The following INTS12 variants were observed in gnomAD, a reference collection of about 807,000 sequenced individuals.
INTS12 encodes PHD finger protein 22.
In INTS12, 13 loss-of-function variants were observed where a neutral mutation model predicts 41.6. That is an observed-to-expected ratio of 0.31 (90% CI 0.20 to 0.50). The LOEUF (loss-of-function observed/expected upper bound fraction) is 0.50, where lower values mean the gene tolerates loss of function less well. Ranked by LOEUF, INTS12 falls within the 20% of genes least tolerant of loss-of-function variation. The pLI, the probability that INTS12 is intolerant of heterozygous loss-of-function variation, is 0.98. For synonymous variants in INTS12, 199 were observed against 191.4 expected (o/e 1.04, Z -0.33); for missense variants, 432 against 541.6 (o/e 0.80, Z 2.01).
chr4:105,685,067 A>C (rs1192130576), intron 7 of INTS12, among the ~76,000 whole-genome samples: 2 of 152,166 alleles, frequency 1.3e-5, no homozygotes, highest in Non-Finnish European at 2.9e-5. Flanking sequence ...TTCAGTGTAG[A>C]AAACAAATTT....
intron 1 of INTS12, among the ~76,000 whole-genome samples, chr4:105,707,676 C>G (rs1732339717): frequency 6.6e-6 from 1 of 152,216 alleles, no homozygotes; most frequent in African/African-American, 2.4e-5. Context: ...TTTCGCCTGT[C>G]TTGCTTAATT....
At chr4:105,699,634 T>C (rs928068730) in intron 3 of INTS12, among the ~76,000 whole-genome samples, 1 of 152,130 alleles carries the variant, frequency 6.6e-6, no homozygotes, top group Non-Finnish European at 1.5e-5. Flanking sequence ...CATAAAGTAG[T>C]AGAACAGAAT....
rs759776922 is a variant in INTS12, at chr4:105,683,308, C to T, written c.814G>A (p.Val272Ile). The change falls in exon 8 of 8, where the codon GTT becomes ATT. Residue 272 changes from valine (V) to isoleucine (I), a missense_variant. Around this residue, in one of 3 missense-constraint regions of INTS12, gnomAD observed 258 missense variants for 309.9 expected, o/e 0.83. Transcript: ENST00000340139. ...FKRTEVKTST[V>I]ISGNSSSASV... ...GCACTAGAAGAATTTCCTGAAATAACTGTGGATGTCTAAAAAAATAAAGTA... is the reference window on the plus strand; with the variant it reads ...GCACTAGAAGAATTTCCTGAAATAATTGTGGATGTCTAAAAAAATAAAGTA... 22 of 1,604,220 alleles carry T rather than the reference C, an allele frequency of 1.4e-5. No homozygotes were observed. The highest frequency in any genetic ancestry group is 1.9e-5 in the Non-Finnish European group (22 of 1,175,288).
In INTS12 at chr4:105,691,274, T is replaced by G. The variant is rs770648219; in HGVS notation, c.657+702A>C. 4.6e-4 allele frequency among the ~76,000 whole-genome samples: 70 copies of G among 152,148 alleles called. 1 individual carries two copies. The highest frequency in any genetic ancestry group is 3.2e-3 in the Middle Eastern group (1 of 316). ...GGAAGTGGGAGGGAGAGGTGGAGAA[T>G]AAGACATTATGGCAATTTCTTGTTT... On this transcript the variant is annotated intron_variant, in intron 6 of 7. Transcript: ENST00000340139.
chr4:105,683,175 T>A lies in INTS12; in HGVS notation c.947A>T (p.Asn316Ile), dbSNP rs201746596. The A allele has an allele frequency of 6.2e-7, 1 of 1,614,124 alleles. No individual in the cohort carries two copies. Among genetic ancestry groups the A allele is most frequent in the East Asian group, 2.2e-5 (1 of 44,880 alleles). Residue 316 changes from asparagine to isoleucine, a missense_variant, in exon 8 of 8, where the codon AAC becomes ATC. By Grantham distance (149) the Asn-to-Ile change is moderately radical (BLOSUM62 -3). Around this residue, in one of 3 missense-constraint regions of INTS12, gnomAD observed 258 missense variants for 309.9 expected, o/e 0.83. Transcript: ENST00000340139. ...CGAAGTAGCAGGTTTCCCAGTATTG[T>A]TTTGTGTTGTTGAACTCAATTTTGC... ...STAKLSSTTQ[N>I]NTGKPATSSA... is the part of the protein sequence containing the mutation.
rs751527108 is a variant in INTS12 at position 105,693,440 on chromosome 4, C to G, written c.356G>C (p.Arg119Thr). 2 of 1,613,626 alleles carry G rather than the reference C, an allele frequency of 1.2e-6. No individual in the cohort carries two copies. Among genetic ancestry groups the G allele is most frequent in the South Asian group, 2.2e-5 (2 of 91,016 alleles). The change falls in exon 5 of 8, where the codon AGA becomes ACA. Residue 119 changes from arginine to threonine, a missense_variant. Around this residue, in one of 3 missense-constraint regions of INTS12, gnomAD observed 168 missense variants for 198.9 expected, o/e 0.84. Transcript: ENST00000340139. ...TEGVDIPKKP[R>T]LEKPETQSSP... ...TGACTGTGTTTCTGGTTTCTCCAAT[C>G]TAGGTTTCTTTGGAATATCAACTCC... is the stretch of plus-strand genomic sequence containing the variant.
intron 7 of INTS12, among the ~76,000 whole-genome samples, chr4:105,684,590 A>G (rs945717825): frequency 3.3e-5 from 5 of 152,102 alleles, no homozygotes; most frequent in Non-Finnish European, 5.9e-5. Context: ...AGGAATCCAG[A>G]TATTTGTCCA....
intron 3 of INTS12, among the ~76,000 whole-genome samples, chr4:105,696,461 T>C (rs867281164): frequency 6.6e-6 from 1 of 152,236 alleles, no homozygotes; most frequent in Non-Finnish European, 1.5e-5. Flanking sequence ...AATGGAATCA[T>C]ATTCTTTTTT....
chr4:105,708,025 T>C (rs1578397268), intron 1 of INTS12: 1 of 985,472 alleles, frequency 1.0e-6, no homozygotes, highest in Non-Finnish European at 1.2e-6. Context: ...CATTTCATAA[T>C]GGCTCTAAAA....
chr4:105,690,221 G>C (rs1286538806), intron 6 of INTS12, among the ~76,000 whole-genome samples: 1 of 152,158 alleles, frequency 6.6e-6, no homozygotes, highest in Non-Finnish European at 1.5e-5. Flanking sequence ...CTGTAAGGTA[G>C]AGTCGGGTCA....
rs767514862 is a variant in INTS12, at chr4:105,700,706, A to AACACACACACACACACACACAC, written c.-9-714_-9-693dup. On this transcript the variant is annotated intron_variant, in intron 2 of 7. Transcript: ENST00000340139. ...GAGGGATAATATCATATCTACTTAA[A>AACACACACACACACACACACAC]ACACACACACACACACACACACACA... Among the ~76,000 whole-genome samples the AACACACACACACACACACACAC allele has an allele frequency of 6.1e-3, 823 of 134,758 alleles. 9 individuals carry two copies. Among genetic ancestry groups the AACACACACACACACACACACAC allele is most frequent in the Non-Finnish European group, 7.0e-3 (441 of 63,096 alleles). The allele number at this position is 134,758 out of a possible 152,430, so 88.4% of individuals were successfully genotyped here.
At chr4:105,697,683 A>T (rs148445846) in intron 3 of INTS12, among the ~76,000 whole-genome samples, 11 of 152,320 alleles carry the variant, frequency 7.2e-5, no homozygotes, top group Non-Finnish European at 1.3e-4. Flanking sequence ...TTGGCTCTTT[A>T]TAAAGTCTGT....
At chr4:105,693,805 C>T (rs1731769893) in intron 4 of INTS12, among the ~76,000 whole-genome samples, 1 of 152,196 alleles carries the variant, frequency 6.6e-6, no homozygotes, top group African/African-American at 2.4e-5. Flanking sequence ...ATCTACCATA[C>T]AGACTTAACA....
rs1283388380 is a variant in INTS12, at chr4:105,683,260, T to C, written c.862A>G (p.Ser288Gly). 6.2e-7 allele frequency: 1 copy of C among 1,613,826 alleles called. No homozygotes were observed. Among genetic ancestry groups the C allele is most frequent in the Non-Finnish European group, 8.5e-7 (1 of 1,179,928 alleles). Residue 288 changes from serine (S) to glycine (G), a missense_variant, in exon 8 of 8, where the codon AGT becomes GGT. Physicochemically the swap from Ser to Gly is moderately conservative, Grantham distance 56 (BLOSUM62 0). Transcript: ENST00000340139. Reference sequence around the variant, plus strand: ...AAAGCTGCCCATCCAGTTAAGCCACTAGTTACTGACGAGGAAACGCTGGCA... The same window carrying C: ...AAAGCTGCCCATCCAGTTAAGCCACCAGTTACTGACGAGGAAACGCTGGCA... ...SSASVSSSVT[S>G]GLTGWAAFAA...
At chr4:105,690,455 A>G (rs1731646743) in intron 6 of INTS12, among the ~76,000 whole-genome samples, 1 of 147,960 alleles carries the variant, frequency 6.8e-6, no homozygotes, top group African/African-American at 2.6e-5. Context: ...TAGATTTCAG[A>G]GACATATAAG....
At chr4:105,690,094 G>T (rs1731631583) in intron 6 of INTS12, among the ~76,000 whole-genome samples, 1 of 152,190 alleles carries the variant, frequency 6.6e-6, no homozygotes, top group Non-Finnish European at 1.5e-5. Context: ...AAGAAGCTGA[G>T]AAGCAGAAAA....
chr4:105,697,935 A>G (rs1480507664), intron 3 of INTS12, among the ~76,000 whole-genome samples: 1 of 152,130 alleles, frequency 6.6e-6, no homozygotes, highest in African/African-American at 2.4e-5. Flanking sequence ...CTGTAGTCTT[A>G]GCTACTCAAG....
chr4:105,689,884 A>C (rs138296247), intron 6 of INTS12, among the ~76,000 whole-genome samples: 3 of 152,270 alleles, frequency 2.0e-5, no homozygotes, highest in African/African-American at 7.2e-5. Context: ...CCAGCCTAGA[A>C]AACAGAGTGA....
chr4:105,706,105 T>C (rs1732251483), intron 1 of INTS12: 1 of 152,236 alleles, frequency 6.6e-6, no homozygotes, highest in Non-Finnish European at 1.5e-5. Context: ...GCTTATCTTC[T>C]TTGTTGCTTT....
Sources: allele counts gnomAD v4.1 joint callset (sites outside exome capture counted in the v4.1 genomes callset), GRCh38; gene constraint gnomAD v4.1.1; regional missense constraint gnomAD v4.1.1; transcripts MANE v1.5; gene names NCBI Gene and HGNC (gene_info 2026-07-23, HGNC 2026-07-21).